The following APPL2 variants were observed in gnomAD, a reference collection of about 807,000 sequenced individuals.
APPL2 encodes the protein adaptor protein, phosphotyrosine interacting with PH domain and leucine zipper 2, also known as DCC-interacting protein 13-beta.
Under a neutral mutation model 92.7 loss-of-function variants are expected in APPL2, and 84 were observed. The ratio of observed to expected loss-of-function variants is 0.91; its 90% CI spans 0.76 to 1.09. The LOEUF (loss-of-function observed/expected upper bound fraction) is 1.09, where lower values mean the gene tolerates loss of function less well. APPL2 is among the 50% of genes least tolerant of loss of function. APPL2 has a pLI of 0.00. For missense variants in APPL2, 736 were observed against 824.5 expected (o/e 0.89, Z 1.31); for synonymous variants, 291 against 291.0 (o/e 1.00, Z 0.00).
intron 17 of APPL2, among the ~76,000 whole-genome samples, chr12:105,179,153 C>A (rs1484503059): frequency 2.0e-5 from 3 of 152,180 alleles, no homozygotes; most frequent in Admixed American, 1.3e-4. Flanking sequence ...CACCCACCAA[C>A]AGGCCCCAGT....
chr12:105,195,529 G>A, intron 12 of APPL2, 28 bp from the exon 13 acceptor site: 1 of 1,614,130 alleles, frequency 6.2e-7, no homozygotes, highest in Non-Finnish European at 8.5e-7. Flanking sequence ...AAAGAACACT[G>A]AATCCCAAAG....
Position 105,195,445 on chromosome 12 carries a change from C to T in APPL2, c.1152G>A (p.Glu384=), listed in dbSNP as rs766304916. 1 of 1,614,124 alleles carries T rather than the reference C, an allele frequency of 6.2e-7. No individual in the cohort carries two copies. The highest frequency in any genetic ancestry group is 8.5e-7 in the Non-Finnish European group (1 of 1,180,036). The change falls in exon 13 of 21, where the codon GAG becomes GAA. Residue 384 remains glutamate (E), a splice_region_variant and synonymous_variant. Transcript: ENST00000258530. ...TGAGATGCCGGTGGCTGATAATTACCTCAGGGTTGTCGGTCAGGTAGATCT... is the reference window on the plus strand; with the variant it reads ...TGAGATGCCGGTGGCTGATAATTACTTCAGGGTTGTCGGTCAGGTAGATCT... ...SRQIYLTDNP[E]AVAIKLNQTA... is the part of the protein sequence containing the mutation.
At chr12:105,227,884 G>C (rs1414545913) in intron 2 of APPL2, among the ~76,000 whole-genome samples, 3 of 152,108 alleles carry the variant, frequency 2.0e-5, no homozygotes, top group African/African-American at 7.2e-5. Flanking sequence ...AAAAGCCCCT[G>C]GAAGTTCCTG....
intron 8 of APPL2, among the ~76,000 whole-genome samples, chr12:105,206,551 G>A (rs758449225): frequency 2.0e-5 from 3 of 152,158 alleles, no homozygotes; most frequent in Non-Finnish European, 4.4e-5. Flanking sequence ...TTAAATAGGA[G>A]GATAGAAACC....
chr12:105,182,282 G>A (rs1403848464), intron 17 of APPL2, among the ~76,000 whole-genome samples: 1 of 152,204 alleles, frequency 6.6e-6, no homozygotes, highest in African/African-American at 2.4e-5. Context: ...ACCTGCCTTG[G>A]CCTCCCAAAG....
At chr12:105,229,741 C>T in intron 1 of APPL2, 1 of 986,798 alleles carries the variant, frequency 1.0e-6, no homozygotes, top group Non-Finnish European at 1.2e-6. Context: ...GTCATTCTTT[C>T]CTCTTATGGT....
At chr12:105,206,919 A>G in intron 8 of APPL2, 142 bp downstream of exon 8, 1 of 1,082,396 alleles carries the variant, frequency 9.2e-7, no homozygotes, top group Non-Finnish European at 1.3e-6. Flanking sequence ...AAGCTGTCCA[A>G]GTGCTGAATC....
At chr12:105,218,036 A>C (rs1231221407) in intron 2 of APPL2, among the ~76,000 whole-genome samples, 1 of 152,112 alleles carries the variant, frequency 6.6e-6, no homozygotes, top group African/African-American at 2.4e-5. Flanking sequence ...TAAGCCCAGG[A>C]GGTTGAGGCT....
chr12:105,207,163 C>T lies in APPL2; in HGVS notation c.519G>A (p.Lys173=), dbSNP rs750189590. Residue 173 remains lysine (K), a synonymous_variant, in exon 8 of 21, where the codon AAG becomes AAA. Coordinates refer to ENST00000258530, the MANE Select transcript of APPL2 (RefSeq NM_018171.5). Reference sequence around the variant, plus strand: ...AGTACTGAAGGGAGGAGAGGTGCTGCTTCCGCCGGGCCGCGGCCACCTCTT... The same window carrying T: ...AGTACTGAAGGGAGGAGAGGTGCTGTTTCCGCCGGGCCGCGGCCACCTCTT... The part of the protein sequence containing the change: ...VGKEVAAARR[K]QHLSSLQYYC... 3.7e-6 allele frequency: 6 copies of T among 1,614,078 alleles called. No homozygotes were observed. The highest frequency in any genetic ancestry group is 1.1e-5 in the South Asian group (1 of 91,064).
intron 4 of APPL2, among the ~76,000 whole-genome samples, chr12:105,216,744 G>A (rs1889730000): frequency 6.6e-6 from 1 of 152,204 alleles, no homozygotes; most frequent in Non-Finnish European, 1.5e-5. Flanking sequence ...AGGGAATAAA[G>A]TTCTGTTGTT....
rs1890740592 is a variant in APPL2 at position 105,229,189 on chromosome 12, G to A, written c.89C>T (p.Ala30Val). The change falls in exon 2 of 21, where the codon GCT (alanine) becomes GTT (valine). Residue 30 changes from alanine (A) to valine (V), a missense_variant. Physicochemically the swap from Ala to Val is moderately conservative, Grantham distance 64. Transcript: ENST00000258530. ...GTTGGTATAGTCTGTGAGGGTGCCAGCATCTTCTTCAAACACGCTCAGTAA... is the reference window on the plus strand; with the variant it reads ...GTTGGTATAGTCTGTGAGGGTGCCAACATCTTCTTCAAACACGCTCAGTAA... ...RSLLSVFEED[A>V]GTLTDYTNQL... is the part of the protein sequence containing the mutation. 6.2e-7 allele frequency: 1 copy of A among 1,613,670 alleles called. No individual in the cohort carries two copies. The highest frequency in any genetic ancestry group is 1.3e-5 in the African/African-American group (1 of 74,880).
chr12:105,229,093 C>A, intron 2 of APPL2, 32 bp downstream of exon 2: 1 of 1,580,448 alleles, frequency 6.3e-7, no homozygotes, highest in Non-Finnish European at 8.6e-7. Context: ...AATGCCCACT[C>A]TGCGGTATCC....
chr12:105,217,311 C>A (rs74606116), intron 3 of APPL2, among the ~76,000 whole-genome samples, 171 bp from the exon 4 acceptor site: 1,955 of 152,314 alleles, frequency 0.013, 32 homozygotes, highest in African/African-American at 0.031. Flanking sequence ...CTTTGTCCTG[C>A]CCCCAGGGTG....
At chr12:105,197,005 T>TA (rs1248746020) in intron 11 of APPL2, among the ~76,000 whole-genome samples, 1 of 152,070 alleles carries the variant, frequency 6.6e-6, no homozygotes, top group Non-Finnish European at 1.5e-5. Context: ...TCCCCACCCC[T>TA]ACCCCTGCTG....
intron 20 of APPL2, 109 bp from the exon 21 acceptor site, chr12:105,174,557 C>T (rs1479833457): frequency 8.1e-7 from 1 of 1,235,982 alleles, no homozygotes; most frequent in African/African-American, 1.5e-5. Context: ...TTTCTCCTGA[C>T]TCTTGTGTAT....
At chr12:105,184,677 T>G (rs774759038) in intron 17 of APPL2, among the ~76,000 whole-genome samples, 9 of 152,180 alleles carry the variant, frequency 5.9e-5, no homozygotes, top group Non-Finnish European at 1.2e-4. Context: ...CTCTCCTGTA[T>G]GAGGTGTCTG....
intron 2 of APPL2, among the ~76,000 whole-genome samples, chr12:105,223,228 GC>G (rs1890246796): frequency 6.6e-6 from 1 of 152,188 alleles, no homozygotes; most frequent in Non-Finnish European, 1.5e-5. Context: ...AACTGCAATC[GC>G]CCAGGGAAGA....
chr12:105,188,242 T>A (rs776555960), intron 17 of APPL2, 31 bp downstream of exon 17: 1 of 1,609,950 alleles, frequency 6.2e-7, no homozygotes, highest in Admixed American at 1.7e-5. Context: ...GCTGAAGCCA[T>A]AAGAAAGTCT....
intron 9 of APPL2, among the ~76,000 whole-genome samples, chr12:105,200,677 C>T (rs940738209): frequency 6.6e-6 from 1 of 152,192 alleles, no homozygotes; most frequent in South Asian, 2.1e-4. Context: ...GGAGGTGTTC[C>T]TCTGCACTGT....
Sources: allele counts gnomAD v4.1 joint callset (sites outside exome capture counted in the v4.1 genomes callset), GRCh38; gene constraint gnomAD v4.1.1; transcripts MANE v1.5; gene names NCBI Gene and HGNC (gene_info 2026-07-23, HGNC 2026-07-21).